The following STRN3 variants were observed in gnomAD, a reference collection of about 807,000 sequenced individuals.
STRN3 encodes the protein striatin-3.
STRN3 carries 29 observed loss-of-function variants against 95.6 expected under a neutral mutation model. That is an observed-to-expected ratio of 0.30 (90% CI 0.23 to 0.41). The LOEUF is 0.41. Ranked by LOEUF, STRN3 falls within the 10% of genes least tolerant of loss-of-function variation. The pLI is 1.00. For missense variants in STRN3, 890 were observed against 972.1 expected (o/e 0.92, Z 1.12); for synonymous variants, 331 against 357.6 (o/e 0.93, Z 0.84).
intron 1 of STRN3, chr14:31,025,553 G>A: frequency 3.0e-6 from 1 of 329,718 alleles, no homozygotes; most frequent in East Asian, 8.0e-5. Flanking sequence ...TCAGTGTTGA[G>A]AGGCCCCAAA....
chr14:30,961,714 T>C (rs1174522100), intron 1 of STRN3, among the ~76,000 whole-genome samples: 1 of 152,218 alleles, frequency 6.6e-6, no homozygotes, highest in Non-Finnish European at 1.5e-5. Context: ...CTCTAAGTCC[T>C]GGGCTCAGGT....
In STRN3 at chr14:30,912,146, T is replaced by A. The variant is rs1377515101; in HGVS notation, c.1411A>T (p.Asn471Tyr). The A allele has an allele frequency of 6.2e-7, 1 of 1,610,564 alleles. No individual in the cohort carries two copies. Among genetic ancestry groups the A allele is most frequent in the Non-Finnish European group, 8.5e-7 (1 of 1,179,196 alleles). ...ANKDAFRKTW[N>Y]PKYTLRSHFD... ...TGGCTACGTAGTGTATACTTGGGAT[T>A]CCATGTCTTTCGAAAGGCATCTTTA... The change falls in exon 11 of 18, where the codon AAT becomes TAT. Residue 471 changes from asparagine (N) to tyrosine (Y), a missense_variant. Asn to Tyr is a moderately radical substitution (Grantham distance 143). This residue lies in a region of STRN3 where 357 missense variants were observed against 422.8 expected (regional missense o/e 0.84). Coordinates refer to ENST00000357479, the MANE Select transcript of STRN3 (RefSeq NM_001083893.2).
chr14:30,926,563 TTACTTCTTATAAG>T (rs1243894781), intron 8 of STRN3, among the ~76,000 whole-genome samples: 2 of 151,766 alleles, frequency 1.3e-5, no homozygotes, highest in African/African-American at 2.4e-5. Context: ...CTTCTTATAA[TTACTTCTTATAAG>T]TACTTCTTAT....
intron 7 of STRN3, among the ~76,000 whole-genome samples, chr14:30,934,191 G>A (rs778264895): frequency 3.3e-5 from 5 of 152,158 alleles, no homozygotes; most frequent in African/African-American, 1.2e-4. Flanking sequence ...GGGTGTGGTG[G>A]TGCACGCCTG....
At chr14:30,930,352 A>AC (rs1446346059) in intron 7 of STRN3, among the ~76,000 whole-genome samples, 1 of 152,124 alleles carries the variant, frequency 6.6e-6, no homozygotes, top group Non-Finnish European at 1.5e-5. Context: ...TATAAGAGAC[A>AC]CCCTAGGCCT....
At chr14:30,963,437 C>T (rs942708528) in intron 1 of STRN3, among the ~76,000 whole-genome samples, 11 of 152,196 alleles carry the variant, frequency 7.2e-5, no homozygotes, top group Non-Finnish European at 1.5e-4. Flanking sequence ...GAAACAGGGT[C>T]TCATTCTATC....
chr14:30,948,152 T>A (rs1039941973), intron 4 of STRN3, among the ~76,000 whole-genome samples: 2 of 152,200 alleles, frequency 1.3e-5, no homozygotes, highest in African/African-American at 4.8e-5. Context: ...CTCTACACAA[T>A]TTTCAGGTTT....
rs74041077 is a variant in STRN3, at chr14:30,958,004, T to C, written c.283-1762A>G. ...AAGTCAACTAATAAAAACACCTAAGTAATAAATAACTGCTGTCGTCAAAAA... is the reference window on the plus strand; with the variant it reads ...AAGTCAACTAATAAAAACACCTAAGCAATAAATAACTGCTGTCGTCAAAAA... On this transcript the variant is annotated intron_variant, in intron 1 of 17. Transcript: ENST00000357479. 5.2e-3 allele frequency among the ~76,000 whole-genome samples: 795 copies of C among 152,216 alleles called. 3 individuals carry two copies. Among genetic ancestry groups the C allele is most frequent in the African/African-American group, 0.018 (738 of 41,508 alleles).
intron 1 of STRN3, among the ~76,000 whole-genome samples, chr14:30,966,231 A>G (rs977968993): frequency 1.3e-5 from 2 of 152,238 alleles, no homozygotes; most frequent in Non-Finnish European, 2.9e-5. Context: ...TGCATCAGGG[A>G]TAAGAACCCC....
intron 8 of STRN3, among the ~76,000 whole-genome samples, chr14:30,920,651 A>G (rs1253236478): frequency 2.0e-5 from 3 of 152,174 alleles, no homozygotes; most frequent in African/African-American, 7.2e-5. Context: ...CTCTCTATTG[A>G]CTTTAATCAA....
chr14:30,902,133 T>C (rs1176641205), intron 16 of STRN3, among the ~76,000 whole-genome samples: 1 of 129,570 alleles, frequency 7.7e-6, no homozygotes, highest in African/African-American at 3.0e-5. Flanking sequence ...ATTGCACCAT[T>C]GCACACCAGC....
chr14:30,978,784 G>C (rs557362215), intron 1 of STRN3, among the ~76,000 whole-genome samples: 11 of 152,264 alleles, frequency 7.2e-5, no homozygotes, highest in African/African-American at 2.2e-4. Context: ...TGTAAGCCCA[G>C]AACTTTGAGA....
intron 1 of STRN3, among the ~76,000 whole-genome samples, chr14:30,966,120 C>T (rs889569776): frequency 1.3e-5 from 2 of 151,842 alleles, no homozygotes; most frequent in Admixed American, 6.6e-5. Context: ...TTTTAATTAG[C>T]CAATCGGAAT....
intron 16 of STRN3, among the ~76,000 whole-genome samples, chr14:30,896,249 A>G (rs1896145434): frequency 6.6e-6 from 1 of 152,246 alleles, no homozygotes; most frequent in South Asian, 2.1e-4. Flanking sequence ...TAAAAAAGAC[A>G]TCTGTGTAAC....
chr14:30,940,077 C>A (rs1879021546), intron 5 of STRN3, among the ~76,000 whole-genome samples: 1 of 151,828 alleles, frequency 6.6e-6, no homozygotes, highest in Non-Finnish European at 1.5e-5. Context: ...CACTATTCTC[C>A]TCTGAAATTT....
chr14:30,957,468 A>AAAAGAG (rs1555320671), intron 1 of STRN3, among the ~76,000 whole-genome samples: 161 of 139,096 alleles, frequency 1.2e-3, no homozygotes, highest in African/African-American at 1.7e-3. Context: ...AAAAAAAAAA[A>AAAAGAG]AGAGAGAGAG....
intron 13 of STRN3, among the ~76,000 whole-genome samples, chr14:30,907,537 A>G (rs1896496916): frequency 6.6e-6 from 1 of 152,142 alleles, no homozygotes; most frequent in Admixed American, 6.6e-5. Context: ...AACATTTTCT[A>G]TAAATGGAAT....
Position 30,984,146 on chromosome 14 carries a change from C to A in STRN3, c.283-27904G>T, listed in dbSNP as rs903567420. On this transcript the variant is annotated intron_variant, in intron 1 of 17. Coordinates refer to ENST00000357479, the MANE Select transcript of STRN3 (RefSeq NM_001083893.2). The stretch of plus-strand genomic sequence containing the variant: ...TTCCCCGCCCCCCCCAACCCCCCCC[C>A]ACACACAAAGGCCTATAAAAAGGTT... Among the ~76,000 whole-genome samples the A allele has an allele frequency of 3.5e-4, 48 of 137,512 alleles. No homozygotes were observed. In the South Asian group the frequency reaches 6.7e-3, roughly 19 times the overall value. 90.2% of individuals were successfully genotyped at this position (137,512 alleles called of 152,430 possible).
rs1378258958 is a variant in STRN3 at position 30,911,286 on chromosome 14, T to C, written c.1599-124A>G. Reference sequence around the variant, plus strand: ...ACTGTTTTAAGAGAACATGTACACCTGACTGGTACTTTTTTTTTTTTTTTT... The same window carrying C: ...ACTGTTTTAAGAGAACATGTACACCCGACTGGTACTTTTTTTTTTTTTTTT... On this transcript the variant is annotated intron_variant, in intron 12 of 17. Coordinates refer to ENST00000357479, the MANE Select transcript of STRN3 (RefSeq NM_001083893.2). 4.9e-6 allele frequency: 4 copies of C among 822,762 alleles called. No homozygotes were observed. The Admixed American group carries it at 1.0e-4, about 21-fold the overall frequency. 51.0% of individuals were successfully genotyped at this position (822,762 alleles called of 1,614,324 possible). A position where few individuals can be genotyped will look rare whatever the true frequency, so the allele number is the denominator to read the frequency against.
Sources: allele counts gnomAD v4.1 joint callset (sites outside exome capture counted in the v4.1 genomes callset), GRCh38; gene constraint gnomAD v4.1.1; regional missense constraint gnomAD v4.1.1; transcripts MANE v1.5; gene names NCBI Gene and HGNC (gene_info 2026-07-23, HGNC 2026-07-21).